Variants in CLUH observed in about 807,000 individuals in gnomAD.
The protein encoded by CLUH is clustered mitochondria protein homolog.
In CLUH, 77 loss-of-function variants were observed where a neutral mutation model predicts 139.3. That is an observed-to-expected ratio of 0.55 (90% CI 0.46 to 0.67). The LOEUF is 0.67. CLUH is among the 30% of genes least tolerant of loss of function. The probability of loss-of-function intolerance (pLI) is 0.00; values close to 1 mark genes in which losing one functional copy is unlikely to be tolerated. For synonymous variants in CLUH, 999 were observed against 801.6 expected, an observed-to-expected ratio of 1.25 and a Z score of -4.16; for missense variants, 1,876 against 1,875.8, an observed-to-expected ratio of 1.00 and a Z score of 0.00.
At position 2,692,102 on chromosome 17, in the gene CLUH, CG is replaced by C; in HGVS notation, c.3561-6del. ...ACTCGGGCGACAAGGTGGTGGCTGC[CG>C]GGAGGCGCGGCGCGGGGCGAGGGAA... is the stretch of plus-strand genomic sequence containing the variant. On this transcript the variant is annotated splice_region_variant and splice_polypyrimidine_tract_variant and intron_variant, in intron 22 of 25. Transcript: ENST00000651024. The C allele has an allele frequency of 6.3e-7, 1 of 1,596,926 alleles. No homozygotes were observed.
chr17:2,703,628 C>G lies in CLUH; in HGVS notation c.304-139G>C. On this transcript the variant is annotated intron_variant, in intron 2 of 25. Coordinates refer to ENST00000651024, the MANE Select transcript of CLUH (RefSeq NM_001366661.1). The surrounding 1 kb of genome is among the most constrained non-coding windows in gnomAD (Gnocchi z 4.2). The stretch of plus-strand genomic sequence containing the variant: ...TCCCCAGCCCAAAGTACCTTGGTCC[C>G]CAGAATAAATGCCCCAAATACTCGA... The G allele has an allele frequency of 1.3e-6, 1 of 782,226 alleles. No homozygotes were observed. Among genetic ancestry groups the G allele is most frequent in the South Asian group, 1.8e-5 (1 of 55,428 alleles). The allele number at this position is 782,226 out of a possible 1,614,324, so 48.5% of individuals were successfully genotyped here.
chr17:2,694,542 C>T lies in CLUH; in HGVS notation c.2875G>A (p.Glu959Lys). The T allele has an allele frequency of 6.3e-7, 1 of 1,580,798 alleles. No homozygotes were observed. Among genetic ancestry groups the T allele is most frequent in the Non-Finnish European group, 8.6e-7 (1 of 1,163,910 alleles). ...GTTATCTTCTGCAGGCCGTAGGTCTCCACAGCCTGGTCCACGGTCTCACTG... is the reference window on the plus strand; with the variant it reads ...GTTATCTTCTGCAGGCCGTAGGTCTTCACAGCCTGGTCCACGGTCTCACTG... ...LECETVDQAV[E>K]TYGLQKITLL... The change falls in exon 17 of 26, where the codon GAG (glutamate) becomes AAG (lysine). Residue 959 changes from glutamate (E) to lysine (K), a missense_variant. This residue lies in a region of CLUH where 1,454 missense variants were observed against 1,384.4 expected (regional missense o/e 1.05). Coordinates refer to ENST00000651024, the MANE Select transcript of CLUH (RefSeq NM_001366661.1).
At position 2,697,967 on chromosome 17, in the gene CLUH, G is replaced by A. The variant is rs375907694; in HGVS notation, c.1890C>T (p.Gly630=). 1.4e-4 allele frequency: 221 copies of A among 1,573,580 alleles called. No homozygotes were observed. In the Middle Eastern group the frequency reaches 2.6e-3, roughly 19 times the overall value. The part of the protein sequence containing the change: ...EELPEECARA[G]FPRAHRHKLC... ...GCTTGTGCCGGTGGGCGCGGGGGAA[G>A]CCGGCGCGGGCGCATTCCTCAGGCA... Residue 630 remains glycine, a synonymous_variant, in exon 10 of 26, where the codon GGC becomes GGT. Transcript: ENST00000651024.
rs775775359 is a variant in CLUH, at chr17:2,701,755, G to C, written c.620-18C>G. On this transcript the variant is annotated intron_variant, in intron 4 of 25. Coordinates refer to ENST00000651024, the MANE Select transcript of CLUH (RefSeq NM_001366661.1). Reference sequence around the variant, plus strand: ...CCCGCTGTCTGAGGGACCCGAGGCTGGTGGTCAGCACAGGGCCACCCAGGG... The same window carrying C: ...CCCGCTGTCTGAGGGACCCGAGGCTCGTGGTCAGCACAGGGCCACCCAGGG... The C allele has an allele frequency of 6.4e-7, 1 of 1,556,526 alleles. No individual in the cohort carries two copies. Among genetic ancestry groups the C allele is most frequent in the African/African-American group, 1.4e-5 (1 of 73,724 alleles).
intron 18 of CLUH, 35 bp from the exon 19 acceptor site, chr17:2,694,074 C>A: frequency 6.2e-7 from 1 of 1,613,812 alleles, no homozygotes; most frequent in African/African-American, 1.3e-5. Flanking sequence ...AAGGTCAGGA[C>A]GGGCCATGGG....
Position 2,698,372 on chromosome 17 carries a change from G to T in CLUH, c.1485C>A (p.Arg495=). The T allele has an allele frequency of 6.2e-7, 1 of 1,613,202 alleles. No homozygotes were observed. Among genetic ancestry groups the T allele is most frequent in the Non-Finnish European group, 8.5e-7 (1 of 1,179,760 alleles). The change falls in exon 10 of 26, where the codon CGC becomes CGA. Residue 495 remains arginine (R), a synonymous_variant. Transcript: ENST00000651024. ...VAPTNDLNGV[R]TYNAVDVEGL... ...CCTCCACGTCCACCGCGTTGTACGT[G>T]CGGACGCCATTCAGGTCGTTGGTGG...
chr17:2,702,204 A>G, intron 3 of CLUH, 147 bp from the exon 4 acceptor site: 2 of 950,420 alleles, frequency 2.1e-6, no homozygotes, highest in South Asian at 1.7e-5. Context: ...CTGTGAACAC[A>G]TAAGCTGGAG....
rs759725157 is a variant in CLUH at position 2,703,343 on chromosome 17, C to T, written c.450G>A (p.Glu150=). 6.2e-7 allele frequency: 1 copy of T among 1,612,426 alleles called. No individual in the cohort carries two copies. The highest frequency in any genetic ancestry group is 1.7e-5 in the Admixed American group (1 of 59,858). ...SELRSVEGLQ[E]GSVLRVVEEP... ...CTTCCACCACACGCAGCACAGAGCCCTCCTGCAGCCCCTCGACGCTGCGCA... is the reference window on the plus strand; with the variant it reads ...CTTCCACCACACGCAGCACAGAGCCTTCCTGCAGCCCCTCGACGCTGCGCA... The change falls in exon 3 of 26, where the codon GAG becomes GAA. Residue 150 remains glutamate (E), a synonymous_variant. Transcript: ENST00000651024. The surrounding 1 kb of genome is among the most constrained non-coding windows in gnomAD (Gnocchi z 4.2).
At position 2,701,493 on chromosome 17, in the gene CLUH, T is replaced by C. The variant is rs2070178676; in HGVS notation, c.772A>G (p.Met258Val). ...KPLQCLKVLT[M>V]SGWNPPPGNR... is the part of the protein sequence containing the mutation. ...CCCGGGGGCGGGTTCCATCCGCTCA[T>C]GGTGAGTACTTTCAGGCACTGCAAG... The change falls in exon 6 of 26, where the codon ATG (methionine) becomes GTG (valine). Residue 258 changes from methionine (M) to valine (V), a missense_variant. Physicochemically the swap from Met to Val is conservative, Grantham distance 21. Transcript: ENST00000651024. 4.3e-6 allele frequency: 7 copies of C among 1,613,882 alleles called. No homozygotes were observed. Among genetic ancestry groups the C allele is most frequent in the Non-Finnish European group, 5.1e-6 (6 of 1,179,862 alleles).
chr17:2,694,406 G>C, intron 17 of CLUH, 74 bp downstream of exon 17: 1 of 1,529,790 alleles, frequency 6.5e-7, no homozygotes, highest in Non-Finnish European at 8.9e-7. Flanking sequence ...CCCTGGCCAG[G>C]AGTGGGAGCC....
At position 2,691,822 on chromosome 17, in the gene CLUH, A is replaced by G; in HGVS notation, c.3728T>C (p.Leu1243Pro). The G allele has an allele frequency of 1.3e-6, 2 of 1,572,588 alleles. No homozygotes were observed. Among genetic ancestry groups the G allele is most frequent in the Non-Finnish European group, 1.7e-6 (2 of 1,160,082 alleles). ...LKCLTQQAVA[L>P]QRTMNEIYRN... ...GTAGATCTCGTTCATGGTGCGCTGCAGGGCCACGGCCTGCTGGGTCAGGCA... is the reference window on the plus strand; with the variant it reads ...GTAGATCTCGTTCATGGTGCGCTGCGGGGCCACGGCCTGCTGGGTCAGGCA... The change falls in exon 24 of 26, where the codon CTG becomes CCG. Residue 1243 changes from leucine (L) to proline (P), a missense_variant. By Grantham distance (98) the Leu-to-Pro change is moderately conservative. Coordinates refer to ENST00000651024, the MANE Select transcript of CLUH (RefSeq NM_001366661.1).
In CLUH at chr17:2,692,205, G is replaced by C. The variant is rs184916682; in HGVS notation, c.3561-108C>G. ...CGTAGATCCCTCCCTGGAAGCCACC[G>C]AGGGGAACAGCAAGTCCAGGGCTCA... is the stretch of plus-strand genomic sequence containing the variant. On this transcript the variant is annotated intron_variant, in intron 22 of 25. Coordinates refer to ENST00000651024, the MANE Select transcript of CLUH (RefSeq NM_001366661.1). The C allele has an allele frequency of 2.0e-5, 29 of 1,440,068 alleles. No homozygotes were observed. The Admixed American group carries it at 4.7e-4, about 23-fold the overall frequency. The allele number at this position is 1,440,068 out of a possible 1,614,324, so 89.2% of individuals were successfully genotyped here.
chr17:2,694,888 C>T lies in CLUH; in HGVS notation c.2821G>A (p.Ala941Thr). The T allele has an allele frequency of 6.8e-7, 1 of 1,472,420 alleles. No homozygotes were observed. The highest frequency in any genetic ancestry group is 9.1e-7 in the Non-Finnish European group (1 of 1,096,750). The allele number at this position is 1,472,420 out of a possible 1,614,324, so 91.2% of individuals were successfully genotyped here. The change falls in exon 16 of 26, where the codon GCC (alanine) becomes ACC (threonine). Residue 941 changes from alanine to threonine, a missense_variant. Transcript: ENST00000651024. Reference protein sequence around the residue: ...QELWKNICQEAKNYFDFDLEC... With the variant: ...QELWKNICQETKNYFDFDLEC... ...AGGTCGAAGTCAAAGTAGTTCTTGG[C>T]CTCCTGGCAGATGTTCTTCCAGAGC...
chr17:2,709,691 C>A (rs1415011047), intron 1 of CLUH, among the ~76,000 whole-genome samples: 1 of 152,156 alleles, frequency 6.6e-6, no homozygotes. Context: ...TAGATCAGCT[C>A]CTTCCTAAGG....
Position 2,691,973 on chromosome 17 carries a change from C to CCCCCGCGG in CLUH, c.3654+30_3654+31insCCGCGGGG, listed in dbSNP as rs1555529498. On this transcript the variant is annotated intron_variant, in intron 23 of 25. Coordinates refer to ENST00000651024, the MANE Select transcript of CLUH (RefSeq NM_001366661.1). Reference sequence around the variant, plus strand: ...CCCGCCCCGCCACGCCCCCGCCCCGCCCCCGCCCCCGCCACGCCCCCGCCG... The same window carrying CCCCCGCGG: ...CCCGCCCCGCCACGCCCCCGCCCCGCCCCCGCGGCCCCGCCCCCGCCACGCCCCCGCCG... 766 of 467,028 alleles carry CCCCCGCGG rather than the reference C, an allele frequency of 1.6e-3. 8 individuals carry two copies. The highest frequency in any genetic ancestry group is 2.0e-3 in the Non-Finnish European group (715 of 356,956). The allele number at this position is 467,028 out of a possible 1,614,324, so 28.9% of individuals were successfully genotyped here.
rs926876636 is a variant in CLUH, at chr17:2,690,335, C to G, written c.*259G>C. The G allele has an allele frequency of 1.7e-5, 7 of 406,476 alleles. No individual in the cohort carries two copies. Among genetic ancestry groups the G allele is most frequent in the South Asian group, 8.1e-5 (1 of 12,294 alleles). 25.2% of individuals were successfully genotyped at this position (406,476 alleles called of 1,614,324 possible). Reference sequence around the variant, plus strand: ...GGGGGCCGAAGCAACACCTGCCCCCCAGCCGGGAACTGATGGCCGCACACG... The same window carrying G: ...GGGGGCCGAAGCAACACCTGCCCCCGAGCCGGGAACTGATGGCCGCACACG... On this transcript the variant is annotated 3_prime_UTR_variant, in exon 26 of 26. Transcript: ENST00000651024.
Position 2,701,177 on chromosome 17 carries a change from T to C in CLUH, c.988A>G (p.Thr330Ala). The C allele has an allele frequency of 6.2e-7, 1 of 1,613,930 alleles. No individual in the cohort carries two copies. The highest frequency in any genetic ancestry group is 8.5e-7 in the Non-Finnish European group (1 of 1,179,878). Residue 330 changes from threonine to alanine, a missense_variant, in exon 7 of 26, where the codon ACC (threonine) becomes GCC (alanine). Thr to Ala is a moderately conservative substitution (Grantham distance 58). Coordinates refer to ENST00000651024, the MANE Select transcript of CLUH (RefSeq NM_001366661.1). ...AGCACAGCGAAGTTCTTCTTGAAGG[T>C]CGGGCTGATCTGGTTGAGCAGCTCC... ...LVELLNQISP[T>A]FKKNFAVLQK...
intron 8 of CLUH, 51 bp from the exon 9 acceptor site, chr17:2,700,525 C>A: frequency 6.3e-7 from 1 of 1,579,836 alleles, no homozygotes; most frequent in Non-Finnish European, 8.6e-7. Context: ...GCCCTGTGAC[C>A]TGCTCCCGGA....
In CLUH at chr17:2,703,530, G is replaced by T. The variant is rs201878021; in HGVS notation, c.304-41C>A. On this transcript the variant is annotated intron_variant, in intron 2 of 25. Transcript: ENST00000651024. This position sits in a 1 kb window ranked among gnomAD's most constrained non-coding sequence, Gnocchi z 4.2. ...CCCGCCCACCCCGGTGAGAGAGCAC[G>T]TAGCGGGGAGAGAAGGCCCCAACCG... 3 of 1,593,248 alleles carry T rather than the reference G, an allele frequency of 1.9e-6. No individual in the cohort carries two copies. Among genetic ancestry groups the T allele is most frequent in the African/African-American group, 2.7e-5 (2 of 74,618 alleles).
Sources: gnomAD v4.1 joint callset for allele counts (sites outside exome capture counted in the v4.1 genomes callset) on GRCh38, gnomAD v4.1.1 for gene constraint, gnomAD v4.1.1 regional missense constraint, Gnocchi (gnomAD v3.1) non-coding constraint, MANE v1.5 for transcripts, NCBI Gene and HGNC (gene_info 2026-07-23, HGNC 2026-07-21) for gene names.